The following TSPAN5 variants were observed in gnomAD, a reference collection of about 807,000 sequenced individuals.
The protein encoded by TSPAN5 is tetraspanin 5, also known as tetraspanin-5.
In TSPAN5, 10 loss-of-function variants were observed where a neutral mutation model predicts 37.1. The observed-to-expected ratio is 0.27, with a 90% CI of 0.17 to 0.46. The LOEUF is 0.46. Ranked by LOEUF, TSPAN5 falls within the 20% of genes least tolerant of loss-of-function variation. The pLI is 1.00. For synonymous variants in TSPAN5, 110 were observed against 118.9 expected, an observed-to-expected ratio of 0.93 and a Z score of 0.48; for missense variants, 195 against 326.6, an observed-to-expected ratio of 0.60 and a Z score of 3.11.
chr4:98,635,858 C>A (rs1444197993), intron 1 of TSPAN5, among the ~76,000 whole-genome samples: 21 of 152,108 alleles, frequency 1.4e-4, no homozygotes, highest in Admixed American at 1.4e-3. Context: ...ATATTGCCAA[C>A]AAAGAGCTAT....
intron 2 of TSPAN5, among the ~76,000 whole-genome samples, chr4:98,498,373 A>C (rs1753264158): frequency 6.6e-6 from 1 of 152,208 alleles, no homozygotes; most frequent in Non-Finnish European, 1.5e-5. Flanking sequence ...TCTTATTTCC[A>C]ACGTAACATC....
chr4:98,548,886 G>GGGGGGTGTGTGTGT, intron 1 of TSPAN5, among the ~76,000 whole-genome samples: 1 of 57,342 alleles, frequency 1.7e-5, no homozygotes, highest in South Asian at 1.1e-3. Flanking sequence ...AGTATTCCAA[G>GGGGGGTGTGTGTGT]GTGTGTGTGT....
At chr4:98,577,820 T>C (rs1755274838) in intron 1 of TSPAN5, among the ~76,000 whole-genome samples, 3 of 152,192 alleles carry the variant, frequency 2.0e-5, no homozygotes, top group African/African-American at 7.2e-5. Flanking sequence ...CCCATAATAC[T>C]AATCCTTAGG....
At chr4:98,581,051 G>GA (rs945825431) in intron 1 of TSPAN5, among the ~76,000 whole-genome samples, 5 of 151,304 alleles carry the variant, frequency 3.3e-5, no homozygotes, top group South Asian at 2.1e-4. Context: ...ATATAAAGGG[G>GA]AAAAAAAAAT....
chr4:98,543,075 G>A (rs944179411), intron 1 of TSPAN5, among the ~76,000 whole-genome samples: 12 of 152,104 alleles, frequency 7.9e-5, no homozygotes, highest in African/African-American at 2.4e-4. Context: ...CACACAGCAC[G>A]AGCAGGGAAA....
At chr4:98,623,546 A>G (rs1009129041) in intron 1 of TSPAN5, among the ~76,000 whole-genome samples, 9 of 152,122 alleles carry the variant, frequency 5.9e-5, no homozygotes, top group Non-Finnish European at 1.3e-4. Flanking sequence ...AGATTATAAA[A>G]CTCTCTTTAC....
At position 98,471,631 on chromosome 4, in the gene TSPAN5, C is replaced by T. The variant is rs542646676; in HGVS notation, c.*891G>A. On this transcript the variant is annotated 3_prime_UTR_variant, in exon 8 of 8. Coordinates refer to ENST00000305798, the MANE Select transcript of TSPAN5 (RefSeq NM_005723.4). ...AAATTTAAGTGGAACTGTATCATAG[C>T]TTTCACCTTTGGAAGACGAAAAACA... The T allele has an allele frequency of 6.6e-6, 1 of 152,296 alleles. No individual in the cohort carries two copies. Among genetic ancestry groups the T allele is most frequent in the African/African-American group, 2.4e-5 (1 of 41,554 alleles). 9.4% of individuals were successfully genotyped at this position (152,296 alleles called of 1,614,324 possible).
intron 1 of TSPAN5, among the ~76,000 whole-genome samples, chr4:98,526,938 G>C (rs1753975978): frequency 6.6e-6 from 1 of 152,112 alleles, no homozygotes; most frequent in African/African-American, 2.4e-5. Context: ...GAAGAGTGAG[G>C]TTTTGTATTT....
intron 1 of TSPAN5, among the ~76,000 whole-genome samples, chr4:98,563,197 A>G (rs750298703): frequency 2.0e-5 from 3 of 152,128 alleles, no homozygotes; most frequent in Non-Finnish European, 2.9e-5. Flanking sequence ...ACATAACAAT[A>G]TGTTTGTTAA....
At chr4:98,649,600 C>T (rs1207758310) in intron 1 of TSPAN5, among the ~76,000 whole-genome samples, 2 of 152,184 alleles carry the variant, frequency 1.3e-5, no homozygotes, top group South Asian at 2.1e-4. Context: ...TTATGAAGCA[C>T]GTTGATATGC....
At chr4:98,590,888 A>G (rs1427855267) in intron 1 of TSPAN5, among the ~76,000 whole-genome samples, 1 of 152,040 alleles carries the variant, frequency 6.6e-6, no homozygotes, top group African/African-American at 2.4e-5. Context: ...TAAGATAACC[A>G]TCCATCCACA....
At chr4:98,564,692 A>ATT (rs1442848170) in intron 1 of TSPAN5, among the ~76,000 whole-genome samples, 4 of 143,560 alleles carry the variant, frequency 2.8e-5, no homozygotes, top group South Asian at 2.2e-4. Flanking sequence ...GTGTTTCTAA[A>ATT]TTTTTTTTTT....
At chr4:98,491,685 T>TAA (rs33967393) in intron 2 of TSPAN5, among the ~76,000 whole-genome samples, 2 of 138,964 alleles carry the variant, frequency 1.4e-5, no homozygotes, top group African/African-American at 2.7e-5. Flanking sequence ...AGACTCTGTC[T>TAA]AAAAAAAAAA....
At chr4:98,655,167 TTTTGTTTTTTGTTTG>T (rs1281288137) in intron 1 of TSPAN5, among the ~76,000 whole-genome samples, 2 of 152,096 alleles carry the variant, frequency 1.3e-5, no homozygotes, top group Non-Finnish European at 2.9e-5. Context: ...TGTTTTTGTT[TTTTGTTTTTTGTTTG>T]TTTGTTTTTT....
chr4:98,544,249 A>G (rs1031797778), intron 1 of TSPAN5, among the ~76,000 whole-genome samples: 1 of 152,204 alleles, frequency 6.6e-6, no homozygotes, highest in Non-Finnish European at 1.5e-5. Flanking sequence ...CAAGCTAAAC[A>G]TATCTTGCAC....
chr4:98,550,019 A>G (rs1216531609), intron 1 of TSPAN5, among the ~76,000 whole-genome samples: 1 of 152,062 alleles, frequency 6.6e-6, no homozygotes, highest in East Asian at 1.9e-4. Context: ...TTATAGTTTC[A>G]GGTCTTACGT....
intron 3 of TSPAN5, among the ~76,000 whole-genome samples, chr4:98,485,966 T>G (rs939841956): frequency 3.9e-5 from 6 of 152,028 alleles, no homozygotes; most frequent in African/African-American, 1.4e-4. Flanking sequence ...ATGCTTCGTA[T>G]AGAGAGCTAT....
At chr4:98,524,281 C>G (rs1753914664) in intron 1 of TSPAN5, among the ~76,000 whole-genome samples, 1 of 152,112 alleles carries the variant, frequency 6.6e-6, no homozygotes. Flanking sequence ...GCTGTTTAAC[C>G]AGAGAGGGTC....
At chr4:98,598,980 T>A (rs1755821742) in intron 1 of TSPAN5, among the ~76,000 whole-genome samples, 1 of 152,092 alleles carries the variant, frequency 6.6e-6, no homozygotes, top group Admixed American at 6.6e-5. Flanking sequence ...AACAGGAAAA[T>A]CCTGTTAAAA....
Sources: allele counts gnomAD v4.1 joint callset (sites outside exome capture counted in the v4.1 genomes callset), GRCh38; gene constraint gnomAD v4.1.1; transcripts MANE v1.5; gene names NCBI Gene and HGNC (gene_info 2026-07-23, HGNC 2026-07-21).